The following UBXN7 variants were observed in gnomAD, a reference collection of about 807,000 sequenced individuals.
UBXN7 encodes UBX domain protein 7.
A neutral mutation model predicts 58.0 loss-of-function variants in UBXN7; 9 were observed. The observed-to-expected ratio is 0.16, with a 90% CI of 0.09 to 0.27. UBXN7 has a LOEUF of 0.27. Among genes scored for constraint, UBXN7 ranks in the 10% least tolerant of loss-of-function variants. UBXN7 has a pLI of 1.00. For synonymous variants in UBXN7, 208 were observed against 205.0 expected (o/e 1.01, Z -0.12); for missense variants, 328 against 599.6 (o/e 0.55, Z 4.73).
intron 5 of UBXN7, among the ~76,000 whole-genome samples, chr3:196,390,097 T>C (rs1433096242): frequency 1.3e-5 from 2 of 151,966 alleles, no homozygotes; most frequent in African/African-American, 4.8e-5. Context: ...TGGGTGTCTG[T>C]AGCCCTACTT....
At chr3:196,359,371 A>G (rs968701014) in intron 10 of UBXN7, among the ~76,000 whole-genome samples, 1 of 152,162 alleles carries the variant, frequency 6.6e-6, no homozygotes, top group African/African-American at 2.4e-5. Context: ...TCCCGGAGAC[A>G]TGACAGTATT....
chr3:196,375,574 T>C (rs1427277661), intron 5 of UBXN7, among the ~76,000 whole-genome samples: 1 of 152,096 alleles, frequency 6.6e-6, no homozygotes, highest in Non-Finnish European at 1.5e-5. Flanking sequence ...AAAAATAATC[T>C]CCTCATGGAA....
intron 5 of UBXN7, among the ~76,000 whole-genome samples, chr3:196,384,152 C>G (rs1729300304): frequency 6.6e-6 from 1 of 151,972 alleles, no homozygotes; most frequent in Admixed American, 6.6e-5. Context: ...CAAACTACCA[C>G]CAGAGAATAC....
intron 1 of UBXN7, among the ~76,000 whole-genome samples, chr3:196,415,964 T>A (rs1730468765): frequency 6.6e-6 from 1 of 152,206 alleles, no homozygotes; most frequent in Non-Finnish European, 1.5e-5. Flanking sequence ...GACCAAACTT[T>A]CTTTTCAGAG....
intron 5 of UBXN7, among the ~76,000 whole-genome samples, chr3:196,385,902 G>A (rs765227184): frequency 5.9e-5 from 9 of 152,350 alleles, no homozygotes; most frequent in Non-Finnish European, 1.2e-4. Context: ...TTGAGAACGG[G>A]CCATGATGAC....
intron 4 of UBXN7, among the ~76,000 whole-genome samples, 171 bp from the exon 5 acceptor site, chr3:196,392,096 T>C (rs1229197288): frequency 2.0e-5 from 3 of 149,508 alleles, no homozygotes; most frequent in South Asian, 2.1e-4. Flanking sequence ...CAAAGGGAGA[T>C]AAGAGGAATC....
At chr3:196,392,072 G>GA (rs1274826315) in intron 4 of UBXN7, 147 bp from the exon 5 acceptor site, 9,139 of 389,434 alleles carry the variant, frequency 0.023, no homozygotes, top group Middle Eastern at 0.037. Context: ...TGTTGACTCT[G>GA]AAAAAAAAAA....
intron 5 of UBXN7, among the ~76,000 whole-genome samples, chr3:196,389,013 AAG>A (rs1485041148): frequency 6.6e-6 from 1 of 152,172 alleles, no homozygotes; most frequent in African/African-American, 2.4e-5. Context: ...ACAACATCAA[AAG>A]AGATTCGTAT....
At position 196,401,583 on chromosome 3, in the gene UBXN7, A is replaced by G. The variant is rs1213906442; in HGVS notation, c.289+1369T>C. On this transcript the variant is annotated intron_variant, in intron 3 of 10. Coordinates refer to ENST00000296328, the MANE Select transcript of UBXN7 (RefSeq NM_015562.2). Reference sequence around the variant, plus strand: ...GAGAGCTGAGTACAAACAGACACAAAGAAGGGAACAGACACCAGGGCCTGG... The same window carrying G: ...GAGAGCTGAGTACAAACAGACACAAGGAAGGGAACAGACACCAGGGCCTGG... Among the ~76,000 whole-genome samples, 4 of 150,368 alleles carry G rather than the reference A, an allele frequency of 2.7e-5. No individual in the cohort carries two copies. The East Asian group carries it at 7.8e-4, about 29-fold the overall frequency.
chr3:196,378,602 T>C (rs1729102835), intron 5 of UBXN7, among the ~76,000 whole-genome samples: 1 of 152,248 alleles, frequency 6.6e-6, no homozygotes, highest in East Asian at 1.9e-4. Context: ...GGTTGGGCAG[T>C]TCCGAGAACT....
At chr3:196,401,767 TTAAAAAAAAAA>T (rs1164616397) in intron 3 of UBXN7, among the ~76,000 whole-genome samples, 4 of 82,032 alleles carry the variant, frequency 4.9e-5, no homozygotes, top group Non-Finnish European at 1.0e-4. Flanking sequence ...CATCTCTATT[TTAAAAAAAAAA>T]AAAAAAAAAA....
chr3:196,432,267 G>C, intron 1 of UBXN7, 60 bp downstream of exon 1: 1 of 1,601,960 alleles, frequency 6.2e-7, no homozygotes, highest in Non-Finnish European at 8.5e-7. Context: ...GGAAGCCCGG[G>C]GCAGACCCGC....
intron 5 of UBXN7, among the ~76,000 whole-genome samples, chr3:196,390,572 T>A (rs1334753673): frequency 6.6e-6 from 1 of 151,998 alleles, no homozygotes; most frequent in African/African-American, 2.4e-5. Context: ...AAACCCCGTC[T>A]CTACTAAAAA....
rs373161636 is a variant in UBXN7, at chr3:196,432,408, C to G, written c.-9G>C. 1 of 1,582,464 alleles carries G rather than the reference C, an allele frequency of 6.3e-7. No homozygotes were observed. On this transcript the variant is annotated 5_prime_UTR_variant, in exon 1 of 11. Coordinates refer to ENST00000296328, the MANE Select transcript of UBXN7 (RefSeq NM_015562.2). ...CCCCCGTGGGCAGCCATCTTACCGC[C>G]GCCGCCGCCGCCGAACAACAACACA...
At chr3:196,386,380 T>TAAAAAAA (rs34268326) in intron 5 of UBXN7, among the ~76,000 whole-genome samples, 184 of 57,682 alleles carry the variant, frequency 3.2e-3, no homozygotes, top group Middle Eastern at 0.014. Context: ...TAATAAACAC[T>TAAAAAAA]AAAAAAAAAA....
intron 8 of UBXN7, among the ~76,000 whole-genome samples, chr3:196,364,438 C>A (rs543757735): frequency 9.9e-5 from 15 of 151,928 alleles, no homozygotes; most frequent in Non-Finnish European, 2.1e-4. Flanking sequence ...ACAATGAATT[C>A]TGAGATTAGC....
intron 1 of UBXN7, among the ~76,000 whole-genome samples, chr3:196,409,418 C>G (rs1247387126): frequency 6.6e-6 from 1 of 152,062 alleles, no homozygotes; most frequent in Admixed American, 6.6e-5. Context: ...CTGGATCTTG[C>G]TCACTGTGTC....
At chr3:196,422,021 A>G (rs1730705169) in intron 1 of UBXN7, among the ~76,000 whole-genome samples, 1 of 151,890 alleles carries the variant, frequency 6.6e-6, no homozygotes, top group Non-Finnish European at 1.5e-5. Flanking sequence ...CAATGTGGTG[A>G]AACCCTAGTC....
chr3:196,359,702 C>T (rs924541531), intron 10 of UBXN7, among the ~76,000 whole-genome samples: 1 of 152,000 alleles, frequency 6.6e-6, no homozygotes, highest in Admixed American at 6.6e-5. Context: ...GTCAGGAGTT[C>T]GAGACCAGCC....
Sources: gnomAD v4.1 joint callset for allele counts (sites outside exome capture counted in the v4.1 genomes callset) on GRCh38, gnomAD v4.1.1 for gene constraint, MANE v1.5 for transcripts, NCBI Gene and HGNC (gene_info 2026-07-23, HGNC 2026-07-21) for gene names.